CYSLTR1: variants seen among roughly 807,000 people sequenced by gnomAD.
CYSLTR1 encodes cysteinyl leukotriene receptor 1.
CYSLTR1 carries 1 observed loss-of-function variant against 2.1 expected under a neutral mutation model. That is an observed-to-expected ratio of 0.48 (90% CI 0.17 to 2.28). The LOEUF (loss-of-function observed/expected upper bound fraction) is 2.28, where lower values mean the gene tolerates loss of function less well. Ranked by LOEUF, CYSLTR1 falls within the 30% of genes most tolerant of loss-of-function variation. The pLI is 0.26. For missense variants in CYSLTR1, 299 were observed against 250.1 expected, an observed-to-expected ratio of 1.20 and a Z score of -1.32; for synonymous variants, 110 against 89.6, an observed-to-expected ratio of 1.23 and a Z score of -1.28.
In CYSLTR1 at chrX:78,273,347, A is replaced by G. The variant is rs745607492; in HGVS notation, c.400T>C (p.Leu134=). ...AACCTGGCTTTTTTCTGTGTAACCA[A>G]ATTAATGTTCTGGACTGGAAAAACA... ...AIVFPVQNIN[L]VTQKKARFVC... The change falls in exon 3 of 3, where the codon TTG becomes CTG. Residue 134 remains leucine (L), a synonymous_variant. Coordinates refer to ENST00000373304, the MANE Select transcript of CYSLTR1 (RefSeq NM_006639.4). The G allele has an allele frequency of 9.9e-6, 12 of 1,209,449 alleles. No individual in the cohort carries two copies. The highest frequency in any genetic ancestry group is 6.7e-6 in the Non-Finnish European group (6 of 895,148).
At chrX:78,312,498 T>C (rs1923253618) in intron 1 of CYSLTR1, among the ~76,000 whole-genome samples, 1 of 111,842 alleles carries the variant, frequency 8.9e-6, no homozygotes. Flanking sequence ...CTAAAGAATT[T>C]CTGCAAAGCA....
chrX:78,285,160 C>T (rs887982702), intron 1 of CYSLTR1, among the ~76,000 whole-genome samples: 2 of 111,267 alleles, frequency 1.8e-5, no homozygotes, highest in African/African-American at 6.5e-5. Context: ...TGGCTGGGTG[C>T]GGTGGCTCAC....
chrX:78,280,615 G>A (rs913610867), intron 2 of CYSLTR1, among the ~76,000 whole-genome samples: 1 of 110,274 alleles, frequency 9.1e-6, no homozygotes, highest in African/African-American at 3.3e-5. Context: ...TGTTATATAG[G>A]TAAACTTGTG....
chrX:78,277,097 G>A (rs1170453411), intron 2 of CYSLTR1, among the ~76,000 whole-genome samples: 2 of 111,375 alleles, frequency 1.8e-5, no homozygotes, highest in African/African-American at 3.3e-5. Flanking sequence ...AGAGTATTTG[G>A]CACCAGAATG....
chrX:78,317,905 A>G (rs374996729), intron 1 of CYSLTR1, among the ~76,000 whole-genome samples: 24 of 111,785 alleles, frequency 2.1e-4, no homozygotes, highest in African/African-American at 7.8e-4. Context: ...GGAGCACTGA[A>G]ATGTCAGAAA....
intron 1 of CYSLTR1, among the ~76,000 whole-genome samples, chrX:78,293,750 C>T (rs774323576): frequency 1.8e-5 from 2 of 111,832 alleles, no homozygotes; most frequent in South Asian, 3.8e-4. Context: ...CACTGACAAC[C>T]TTTCTTCCAG....
intron 1 of CYSLTR1, among the ~76,000 whole-genome samples, chrX:78,310,892 G>T (rs1013239300): frequency 9.1e-6 from 1 of 110,479 alleles, no homozygotes; most frequent in Non-Finnish European, 1.9e-5. Context: ...GTGTGTGGGT[G>T]TGTGGGCGTG....
intron 1 of CYSLTR1, chrX:78,320,287 T>C (rs982277827): frequency 8.9e-6 from 1 of 112,022 alleles, no homozygotes; most frequent in African/African-American, 3.3e-5. Context: ...AATTTTTGTA[T>C]AAGGTGTAAG....
chrX:78,304,849 T>C (rs1391291894), intron 1 of CYSLTR1, among the ~76,000 whole-genome samples: 1 of 112,013 alleles, frequency 8.9e-6, no homozygotes, highest in Non-Finnish European at 1.9e-5. Flanking sequence ...CACTTACACA[T>C]AGACATATAG....
At chrX:78,299,123 T>C (rs923690601) in intron 1 of CYSLTR1, among the ~76,000 whole-genome samples, 10 of 111,747 alleles carry the variant, frequency 8.9e-5, no homozygotes, top group African/African-American at 3.2e-4. Flanking sequence ...CTTAACACTA[T>C]TTGCATAAAC....
chrX:78,316,465 A>T (rs1465119328), intron 1 of CYSLTR1, among the ~76,000 whole-genome samples: 1 of 112,001 alleles, frequency 8.9e-6, no homozygotes, highest in African/African-American at 3.2e-5. Flanking sequence ...TCAGCGGGGA[A>T]GCTTATGGCC....
chrX:78,306,177 T>A (rs73226150), intron 1 of CYSLTR1, among the ~76,000 whole-genome samples: 1 of 111,542 alleles, frequency 9.0e-6, no homozygotes, highest in South Asian at 3.8e-4. Flanking sequence ...TTTTTCTTTT[T>A]TTTTGAGAGG....
Position 78,273,470 on chromosome X carries a change from C to A in CYSLTR1, c.277G>T (p.Asp93Tyr), listed in dbSNP as rs937735152. The change falls in exon 3 of 3, where the codon GAC (aspartate) becomes TAC (tyrosine). Residue 93 changes from aspartate (D) to tyrosine (Y), a missense_variant. Physicochemically the swap from Asp to Tyr is radical, Grantham distance 160 (BLOSUM62 -3). Transcript: ENST00000373304. Reference protein sequence around the residue: ...YVHKGIWLFGDFLCRLSTYAL... With the variant: ...YVHKGIWLFGYFLCRLSTYAL... ...TAGGTGCTGAGGCGGCACAAGAAGT[C>A]ACCAAAGAGCCAAATGCCTTTGTGA... The A allele has an allele frequency of 5.0e-6, 6 of 1,211,589 alleles. No homozygotes were observed. The highest frequency in any genetic ancestry group is 6.7e-6 in the Non-Finnish European group (6 of 895,445).
chrX:78,325,057 C>A (rs1031008402), intron 1 of CYSLTR1, among the ~76,000 whole-genome samples: 15 of 112,574 alleles, frequency 1.3e-4, no homozygotes, highest in African/African-American at 4.8e-4. Context: ...TAATCCTTAG[C>A]ATATAATCCT....
At chrX:78,321,114 T>C (rs1377023242) in intron 1 of CYSLTR1, 1 of 104,874 alleles carries the variant, frequency 9.5e-6, no homozygotes, top group Non-Finnish European at 2.0e-5. Context: ...AGGGTGGATG[T>C]CTAGGATCAG....
At chrX:78,275,030 T>C (rs1169032784) in intron 2 of CYSLTR1, among the ~76,000 whole-genome samples, 2 of 111,194 alleles carry the variant, frequency 1.8e-5, no homozygotes, top group Admixed American at 9.5e-5. Context: ...CACAATGAGA[T>C]ACCATCTCAC....
At chrX:78,286,921 G>C (rs1481165152) in intron 1 of CYSLTR1, among the ~76,000 whole-genome samples, 1 of 110,888 alleles carries the variant, frequency 9.0e-6, no homozygotes, top group Non-Finnish European at 1.9e-5. Context: ...GAATGATATT[G>C]AGCCCCTTTT....
At chrX:78,323,120 C>T (rs1443600156) in intron 1 of CYSLTR1, among the ~76,000 whole-genome samples, 1 of 112,032 alleles carries the variant, frequency 8.9e-6, no homozygotes, top group African/African-American at 3.2e-5. Context: ...GTGGAGGATA[C>T]TTTCACCCCT....
chrX:78,285,981 C>G (rs1450387640), intron 1 of CYSLTR1, among the ~76,000 whole-genome samples: 1 of 111,829 alleles, frequency 8.9e-6, no homozygotes, highest in Non-Finnish European at 1.9e-5. Flanking sequence ...ACGAACTACT[C>G]AGATCTTTTA....
Sources: allele counts gnomAD v4.1 joint callset (sites outside exome capture counted in the v4.1 genomes callset), GRCh38; gene constraint gnomAD v4.1.1; transcripts MANE v1.5; gene names NCBI Gene and HGNC (gene_info 2026-07-23, HGNC 2026-07-21).